Variants in ZNF148 observed in about 807,000 individuals in gnomAD.
The protein encoded by ZNF148 is zinc finger protein 148, also known as Beta-Enolase Repressor Factor-1.
ZNF148 carries 7 observed loss-of-function variants against 67.7 expected under a neutral mutation model. The ratio of observed to expected loss-of-function variants is 0.10; its 90% confidence interval spans 0.06 to 0.19. ZNF148 has a LOEUF of 0.19. ZNF148 is among the 10% of genes least tolerant of loss of function. ZNF148 has a pLI of 1.00. For synonymous variants in ZNF148, 333 were observed against 330.7 expected, an observed-to-expected ratio of 1.01 and a Z score of -0.08; for missense variants, 583 against 947.1, an observed-to-expected ratio of 0.62 and a Z score of 5.05.
At chr3:125,238,159 G>A (rs1235590507) in intron 7 of ZNF148, among the ~76,000 whole-genome samples, 1 of 152,124 alleles carries the variant, frequency 6.6e-6, no homozygotes, top group Non-Finnish European at 1.5e-5. Flanking sequence ...AGGCCTAAGT[G>A]TGAGACCTAA....
At chr3:125,291,799 G>T (rs968908686) in intron 4 of ZNF148, among the ~76,000 whole-genome samples, 4 of 152,042 alleles carry the variant, frequency 2.6e-5, no homozygotes, top group Non-Finnish European at 5.9e-5. Context: ...TTAGAGAAAT[G>T]GTTGTTCTGA....
intron 1 of ZNF148, among the ~76,000 whole-genome samples, chr3:125,359,431 T>C (rs73195489): frequency 0.015 from 2,268 of 152,254 alleles, 33 homozygotes; most frequent in Non-Finnish European, 0.025. Context: ...AACATGAACA[T>C]CAAAAACTCT....
At chr3:125,272,561 CT>C (rs1560130581) in intron 7 of ZNF148, among the ~76,000 whole-genome samples, 1 of 151,942 alleles carries the variant, frequency 6.6e-6, no homozygotes, top group African/African-American at 2.4e-5. Flanking sequence ...ATGACTTCCC[CT>C]ATCCTCCTAA....
chr3:125,267,634 A>C (rs942454159), intron 7 of ZNF148, among the ~76,000 whole-genome samples: 2 of 152,196 alleles, frequency 1.3e-5, no homozygotes, highest in African/African-American at 4.8e-5. Flanking sequence ...CTGAACAGGC[A>C]AAAGCTGGAC....
chr3:125,371,170 T>C (rs1223523255), intron 1 of ZNF148, among the ~76,000 whole-genome samples: 2 of 149,266 alleles, frequency 1.3e-5, no homozygotes, highest in Non-Finnish European at 3.0e-5. Context: ...CTGGGCAACA[T>C]GACGAAACCC....
chr3:125,332,349 CAA>C (rs1559762748), intron 1 of ZNF148, among the ~76,000 whole-genome samples: 1 of 152,074 alleles, frequency 6.6e-6, no homozygotes. Flanking sequence ...CTCAATTATG[CAA>C]AGTTATTTTA....
intron 1 of ZNF148, among the ~76,000 whole-genome samples, chr3:125,362,374 A>C (rs555933152): frequency 6.6e-6 from 1 of 152,140 alleles, no homozygotes; most frequent in Admixed American, 6.5e-5. Context: ...TCTCAAACTA[A>C]ACTTCTTTAA....
intron 1 of ZNF148, among the ~76,000 whole-genome samples, chr3:125,355,446 G>GT (rs1043057787): frequency 6.6e-6 from 1 of 152,098 alleles, no homozygotes; most frequent in African/African-American, 2.4e-5. Flanking sequence ...GTCTCCAGAC[G>GT]TTTGACAAAA....
chr3:125,242,613 GGGTGAGAC>G (rs1257525560), intron 7 of ZNF148, among the ~76,000 whole-genome samples: 1 of 152,100 alleles, frequency 6.6e-6, no homozygotes, highest in Non-Finnish European at 1.5e-5. Context: ...CCTGGCAAAG[GGGTGAGAC>G]TCTTGTCTCA....
rs1935662976 is a variant in ZNF148 at position 125,226,928 on chromosome 3, A to C, written c.*5413T>G. The C allele has an allele frequency of 6.6e-6, 1 of 152,176 alleles. No homozygotes were observed. Among genetic ancestry groups the C allele is most frequent in the Non-Finnish European group, 1.5e-5 (1 of 68,020 alleles). 9.4% of individuals were successfully genotyped at this position (152,176 alleles called of 1,614,324 possible). A position where few individuals can be genotyped will look rare whatever the true frequency, so the allele number is the denominator to read the frequency against. ...TAAGTTTCATTGCAAAGCAACTGTC[A>C]CCTGAGTAGATTTTAAAATTTAGTG... On this transcript the variant is annotated 3_prime_UTR_variant, in exon 9 of 9. Transcript: ENST00000360647.
At chr3:125,340,026 T>G (rs1015368897) in intron 1 of ZNF148, among the ~76,000 whole-genome samples, 15 of 152,212 alleles carry the variant, frequency 9.9e-5, no homozygotes, top group Admixed American at 5.2e-4. Context: ...GAAGCACAAC[T>G]GTAAACCACT....
intron 4 of ZNF148, among the ~76,000 whole-genome samples, chr3:125,312,609 G>T (rs1940275483): frequency 6.6e-6 from 1 of 152,002 alleles, no homozygotes; most frequent in South Asian, 2.1e-4. Flanking sequence ...TATGACTGAG[G>T]GTAATATCTC....
chr3:125,254,711 T>C (rs1936994910), intron 7 of ZNF148, among the ~76,000 whole-genome samples: 1 of 152,200 alleles, frequency 6.6e-6, no homozygotes, highest in Admixed American at 6.5e-5. Flanking sequence ...TTTTTCATTA[T>C]TTTATGTTCT....
In ZNF148 at chr3:125,319,483, T is replaced by C. The variant is rs553098458; in HGVS notation, c.-17+3826A>G. On this transcript the variant is annotated intron_variant, in intron 3 of 8. Coordinates refer to ENST00000360647, the MANE Select transcript of ZNF148 (RefSeq NM_021964.3). ...AAATATACAAGGCTCTTAAAAATGC[T>C]TGCTTGTTCTACAAGGGTCAATTAA... Among the ~76,000 whole-genome samples the C allele has an allele frequency of 5.9e-5, 9 of 152,300 alleles. No homozygotes were observed. In the South Asian group the frequency reaches 1.0e-3, roughly 18 times the overall value.
intron 7 of ZNF148, among the ~76,000 whole-genome samples, chr3:125,236,198 G>A (rs964593958): frequency 4.0e-5 from 6 of 151,700 alleles, no homozygotes; most frequent in Admixed American, 3.3e-4. Context: ...TTATACTGAT[G>A]TAGTTCAAAG....
intron 4 of ZNF148, among the ~76,000 whole-genome samples, chr3:125,292,139 CTCACAAAG>C (rs1434769320): frequency 1.5e-4 from 23 of 152,146 alleles, no homozygotes; most frequent in African/African-American, 5.5e-4. Context: ...AAATTCCAAG[CTCACAAAG>C]TCACAGAACA....
intron 7 of ZNF148, among the ~76,000 whole-genome samples, chr3:125,260,151 C>T (rs1309313410): frequency 3.3e-5 from 5 of 151,952 alleles, no homozygotes; most frequent in African/African-American, 7.3e-5. Flanking sequence ...CAAAGATCAC[C>T]GATCACAAAT....
chr3:125,317,337 C>T (rs1013837265), intron 3 of ZNF148, among the ~76,000 whole-genome samples: 1 of 151,998 alleles, frequency 6.6e-6, no homozygotes, highest in Non-Finnish European at 1.5e-5. Context: ...AAAATGAAAA[C>T]TGTATGTACT....
intron 7 of ZNF148, among the ~76,000 whole-genome samples, chr3:125,260,872 C>CT (rs1320976773): frequency 6.6e-6 from 1 of 152,136 alleles, no homozygotes; most frequent in Non-Finnish European, 1.5e-5. Flanking sequence ...AAATCCTGAG[C>CT]TTTTTTGCAA....
Sources: gnomAD v4.1 joint callset for allele counts (sites outside exome capture counted in the v4.1 genomes callset) on GRCh38, gnomAD v4.1.1 for gene constraint, MANE v1.5 for transcripts, NCBI Gene and HGNC (gene_info 2026-07-23, HGNC 2026-07-21) for gene names.